SSH2: variants seen among roughly 807,000 people sequenced by gnomAD.
SSH2 encodes slingshot protein phosphatase 2.
A neutral mutation model predicts 135.2 loss-of-function variants in SSH2; 37 were observed. The ratio of observed to expected loss-of-function variants is 0.27; its 90% confidence interval spans 0.21 to 0.36. The LOEUF is 0.36. Ranked by LOEUF, SSH2 falls within the 10% of genes least tolerant of loss-of-function variation. SSH2 has a pLI of 1.00. For synonymous variants in SSH2, 628 were observed against 646.2 expected (o/e 0.97, Z 0.43); for missense variants, 1,408 against 1,765.3 (o/e 0.80, Z 3.63).
chr17:29,835,330 A>C (rs965863508), intron 2 of SSH2, among the ~76,000 whole-genome samples: 10 of 152,334 alleles, frequency 6.6e-5, no homozygotes, highest in South Asian at 4.1e-4. Flanking sequence ...ACAACAACAA[A>C]AAAAACTTAG....
intron 1 of SSH2, among the ~76,000 whole-genome samples, chr17:29,896,453 A>C (rs1432798308): frequency 6.7e-6 from 1 of 149,404 alleles, no homozygotes; most frequent in Non-Finnish European, 1.5e-5. Flanking sequence ...TTTTATAAAA[A>C]TATTGCATAG....
At chr17:29,841,640 T>C (rs2043042516) in intron 2 of SSH2, among the ~76,000 whole-genome samples, 1 of 152,256 alleles carries the variant, frequency 6.6e-6, no homozygotes, top group Non-Finnish European at 1.5e-5. Context: ...AAGGAATAGA[T>C]GTTACAATGT....
chr17:29,785,350 CA>C (rs1357995787), intron 3 of SSH2, among the ~76,000 whole-genome samples: 1 of 151,940 alleles, frequency 6.6e-6, no homozygotes, highest in African/African-American at 2.4e-5. Context: ...ATTCACTATT[CA>C]CCTTAAAAAA....
chr17:29,754,333 T>A (rs1376228047), intron 3 of SSH2, among the ~76,000 whole-genome samples: 1 of 152,180 alleles, frequency 6.6e-6, no homozygotes, highest in African/African-American at 2.4e-5. Flanking sequence ...GTGAAACCCC[T>A]TGTACAACTA....
At chr17:29,711,464 A>G (rs750130655) in intron 3 of SSH2, among the ~76,000 whole-genome samples, 1 of 152,328 alleles carries the variant, frequency 6.6e-6, no homozygotes, top group Middle Eastern at 3.4e-3. Flanking sequence ...AACCATGTGC[A>G]TCTTAGAAAT....
intron 8 of SSH2, chr17:29,675,837 G>C (rs1034489498): frequency 1.3e-5 from 2 of 151,716 alleles, no homozygotes; most frequent in Non-Finnish European, 2.9e-5. Flanking sequence ...GAGAGAGAGA[G>C]AGAGATCTAT....
At chr17:29,690,012 C>CAAA (rs946244880) in intron 5 of SSH2, among the ~76,000 whole-genome samples, 52 of 31,216 alleles carry the variant, frequency 1.7e-3, no homozygotes, top group East Asian at 2.3e-3. Context: ...AGATCCATCT[C>CAAA]AAAAAAAAAA....
chr17:29,663,236 C>T (rs1267897186), intron 11 of SSH2, among the ~76,000 whole-genome samples: 2 of 152,218 alleles, frequency 1.3e-5, no homozygotes, highest in Admixed American at 1.3e-4. Context: ...AGCATTCTTC[C>T]AAAGGGAAGG....
intron 3 of SSH2, among the ~76,000 whole-genome samples, chr17:29,765,836 A>G (rs972846459): frequency 5.3e-5 from 8 of 152,076 alleles, no homozygotes; most frequent in African/African-American, 1.9e-4. Context: ...CCTGGCCAAC[A>G]TGGTGAAACT....
At chr17:29,878,610 A>G (rs1211787109) in intron 1 of SSH2, among the ~76,000 whole-genome samples, 5 of 152,232 alleles carry the variant, frequency 3.3e-5, no homozygotes, top group Non-Finnish European at 5.9e-5. Flanking sequence ...CAAAGATCAA[A>G]TAAGTATAGA....
chr17:29,904,110 C>CA (rs1482671998), intron 1 of SSH2, among the ~76,000 whole-genome samples: 1 of 151,932 alleles, frequency 6.6e-6, no homozygotes, highest in African/African-American at 2.4e-5. Flanking sequence ...GAAACTATTC[C>CA]AAAAAATTGA....
At chr17:29,864,697 GTTT>G (rs77325851) in intron 1 of SSH2, among the ~76,000 whole-genome samples, 1 of 149,620 alleles carries the variant, frequency 6.7e-6, no homozygotes, top group African/African-American at 2.5e-5. Context: ...AGTTTTGTTT[GTTT>G]TTTGTTTTTG....
At chr17:29,810,081 G>A (rs892225242) in intron 2 of SSH2, among the ~76,000 whole-genome samples, 1 of 152,132 alleles carries the variant, frequency 6.6e-6, no homozygotes, top group Non-Finnish European at 1.5e-5. Context: ...ACCTAGCAAT[G>A]CTGAATAAAA....
At chr17:29,814,783 G>A (rs1175153938) in intron 2 of SSH2, among the ~76,000 whole-genome samples, 2 of 151,844 alleles carry the variant, frequency 1.3e-5, no homozygotes, top group Non-Finnish European at 2.9e-5. Context: ...ATAATTACTG[G>A]GGAAGAAGCA....
intron 14 of SSH2, 163 bp downstream of exon 14, chr17:29,647,981 A>G: frequency 2.8e-6 from 2 of 711,370 alleles, no homozygotes; most frequent in South Asian, 1.9e-5. Context: ...CAAATCTTAA[A>G]TGCTTACACT....
At chr17:29,909,740 A>C (rs1345505316) in intron 1 of SSH2, among the ~76,000 whole-genome samples, 1 of 152,190 alleles carries the variant, frequency 6.6e-6, no homozygotes, top group Admixed American at 6.5e-5. Flanking sequence ...TGAGCAAAAA[A>C]ACCACCCCAT....
At position 29,671,987 on chromosome 17, in the gene SSH2, T is replaced by C. The variant is rs369677448; in HGVS notation, c.757A>G (p.Met253Val). The change falls in exon 9 of 16, where the codon ATG becomes GTG. Residue 253 changes from methionine to valine, a missense_variant. This residue lies in a region of SSH2 where 222 missense variants were observed against 355.6 expected (regional missense o/e 0.62). Transcript: ENST00000540801. ...DQSSVNEWNA[M>V]QDVQSHRPDS... ...GGCCGGTGGGACTGTACATCTTGCA[T>C]TGCATTCCATTCATTGACTGAGGAT... 5.6e-6 allele frequency: 9 copies of C among 1,614,058 alleles called. No individual in the cohort carries two copies. The highest frequency in any genetic ancestry group is 2.7e-5 in the African/African-American group (2 of 74,932).
intron 14 of SSH2, among the ~76,000 whole-genome samples, chr17:29,646,481 T>C (rs1315245351): frequency 6.6e-6 from 1 of 152,216 alleles, no homozygotes; most frequent in East Asian, 1.9e-4. Flanking sequence ...TTCTGCATTT[T>C]TGAAAAGCAT....
chr17:29,722,966 T>G (rs1339452867), intron 3 of SSH2, among the ~76,000 whole-genome samples: 1 of 152,258 alleles, frequency 6.6e-6, no homozygotes, highest in Non-Finnish European at 1.5e-5. Flanking sequence ...ATTAAGTTCC[T>G]CATTTATGAG....
Sources: allele counts gnomAD v4.1 joint callset (sites outside exome capture counted in the v4.1 genomes callset), GRCh38; gene constraint gnomAD v4.1.1; regional missense constraint gnomAD v4.1.1; transcripts MANE v1.5; gene names NCBI Gene and HGNC (gene_info 2026-07-23, HGNC 2026-07-21).